MACROD2: variants seen among roughly 807,000 people sequenced by gnomAD.
The protein encoded by MACROD2 is mono-ADP ribosylhydrolase 2, also known as ADP-ribose glycohydrolase MACROD2.
MACROD2 carries 36 observed loss-of-function variants against 70.4 expected under a neutral mutation model. The ratio of observed to expected loss-of-function variants is 0.51; its 90% CI spans 0.39 to 0.68. The LOEUF (loss-of-function observed/expected upper bound fraction) is 0.68, where lower values mean the gene tolerates loss of function less well. Among genes scored for constraint, MACROD2 ranks in the 30% least tolerant of loss-of-function variants. The pLI is 0.00. For missense variants in MACROD2, 496 were observed against 538.4 expected, an observed-to-expected ratio of 0.92 and a Z score of 0.78; for synonymous variants, 172 against 178.8, an observed-to-expected ratio of 0.96 and a Z score of 0.30.
At chr20:15,769,607 A>G (rs1178697336) in intron 8 of MACROD2, among the ~76,000 whole-genome samples, 1 of 152,246 alleles carries the variant, frequency 6.6e-6, no homozygotes, top group African/African-American at 2.4e-5. Context: ...CTCTGACATT[A>G]TGATGGCTAT....
chr20:15,899,468 A>G (rs957278856), intron 10 of MACROD2, among the ~76,000 whole-genome samples: 32 of 152,350 alleles, frequency 2.1e-4, no homozygotes, highest in African/African-American at 7.7e-4. Context: ...CACTTTCTAA[A>G]TTTATGTGTA....
chr20:14,925,453 C>G (rs1156349326), intron 5 of MACROD2, among the ~76,000 whole-genome samples: 1 of 152,126 alleles, frequency 6.6e-6, no homozygotes, highest in South Asian at 2.1e-4. Flanking sequence ...GAAGGCATGA[C>G]TTAATCATCA....
chr20:14,669,280 A>G (rs2070769492), intron 4 of MACROD2, among the ~76,000 whole-genome samples: 2 of 152,168 alleles, frequency 1.3e-5, no homozygotes, highest in Admixed American at 1.3e-4. Context: ...GAATGGCAAA[A>G]GGTTTGCCAA....
chr20:15,902,933 G>A (rs2147247695), intron 10 of MACROD2, among the ~76,000 whole-genome samples: 1 of 152,224 alleles, frequency 6.6e-6, no homozygotes, highest in East Asian at 1.9e-4. Context: ...GAGCCTGTGT[G>A]TGTGGTGGGG....
intron 2 of MACROD2, 64 bp from the exon 3 acceptor site, chr20:14,085,557 A>C (rs2054066321): frequency 1.0e-6 from 1 of 999,580 alleles, no homozygotes; most frequent in East Asian, 2.8e-5. Context: ...TCTTGAGTAA[A>C]AAATTATCTC....
chr20:14,455,337 A>AT (rs1170861741), intron 3 of MACROD2, among the ~76,000 whole-genome samples: 1 of 151,868 alleles, frequency 6.6e-6, no homozygotes, highest in East Asian at 1.9e-4. Flanking sequence ...TTCAATTCTT[A>AT]TTTTATGTAT....
intron 8 of MACROD2, among the ~76,000 whole-genome samples, chr20:15,747,688 ATT>A (rs540198932): frequency 1.3e-5 from 2 of 151,546 alleles, no homozygotes; most frequent in African/African-American, 4.8e-5. Flanking sequence ...TATTTCCAGA[ATT>A]TTTTTTTGTC....
At chr20:14,085,250 G>T (rs1390925422) in intron 2 of MACROD2, among the ~76,000 whole-genome samples, 2 of 151,336 alleles carry the variant, frequency 1.3e-5, no homozygotes, top group East Asian at 1.9e-4. Context: ...TGCCTTTTAG[G>T]TAAGTTCTTC....
At chr20:14,384,748 T>C (rs567179372) in intron 3 of MACROD2, among the ~76,000 whole-genome samples, 1 of 151,994 alleles carries the variant, frequency 6.6e-6, no homozygotes, top group East Asian at 1.9e-4. Flanking sequence ...TCTTGTGCAA[T>C]TGGGTTTATT....
chr20:15,774,023 G>A (rs980306569), intron 8 of MACROD2, among the ~76,000 whole-genome samples: 1 of 151,002 alleles, frequency 6.6e-6, no homozygotes, highest in African/African-American at 2.4e-5. Context: ...ATGAATTCAC[G>A]GCTCCTGGAA....
At chr20:15,924,369 A>G (rs768948798) in intron 10 of MACROD2, among the ~76,000 whole-genome samples, 3 of 152,234 alleles carry the variant, frequency 2.0e-5, no homozygotes, top group Non-Finnish European at 4.4e-5. Context: ...ACTTGCACTC[A>G]CACATCTACA....
intron 8 of MACROD2, among the ~76,000 whole-genome samples, chr20:15,503,392 C>T (rs748972308): frequency 2.6e-5 from 4 of 152,074 alleles, no homozygotes; most frequent in African/African-American, 4.8e-5. Flanking sequence ...AAAGAAAGAC[C>T]GGGTGATATT....
intron 2 of MACROD2, among the ~76,000 whole-genome samples, chr20:14,040,291 C>G (rs2053374257): frequency 6.6e-6 from 1 of 152,040 alleles, no homozygotes; most frequent in Non-Finnish European, 1.5e-5. Context: ...TGTTACTGTA[C>G]TGAATACTGT....
intron 2 of MACROD2, among the ~76,000 whole-genome samples, chr20:14,068,235 A>C (rs2053792003): frequency 6.6e-6 from 1 of 152,142 alleles, no homozygotes; most frequent in Non-Finnish European, 1.5e-5. Context: ...CTTGGATAAA[A>C]ATCTTAGCAA....
At chr20:14,283,673 T>A (rs1223140101) in intron 3 of MACROD2, among the ~76,000 whole-genome samples, 3 of 152,142 alleles carry the variant, frequency 2.0e-5, no homozygotes, top group African/African-American at 4.8e-5. Context: ...TTTTTTTTTT[T>A]ATTTTTAGTA....
intron 9 of MACROD2, among the ~76,000 whole-genome samples, chr20:15,869,238 T>TATAGAGAGAGAGAGAGAGAGAGAGAGAG: frequency 3.5e-5 from 1 of 28,290 alleles, no homozygotes; most frequent in African/African-American, 9.9e-5. Flanking sequence ...TATATATATA[T>TATAGAGAGAGAGAGAGAGAGAGAGAGAG]AGAGAGAGAG....
chr20:15,516,619 C>T (rs2047571379), intron 8 of MACROD2, among the ~76,000 whole-genome samples: 1 of 152,034 alleles, frequency 6.6e-6, no homozygotes, highest in Non-Finnish European at 1.5e-5. Flanking sequence ...TAGAGGGCAG[C>T]CTGAATGTTT....
At chr20:15,355,180 A>G (rs1164652012) in intron 6 of MACROD2, among the ~76,000 whole-genome samples, 4 of 152,160 alleles carry the variant, frequency 2.6e-5, no homozygotes, top group Admixed American at 1.3e-4. Context: ...AGTCATCCGC[A>G]AGACTCTCTT....
chr20:15,909,316 T>C (rs1341937553), intron 10 of MACROD2, among the ~76,000 whole-genome samples: 1 of 152,266 alleles, frequency 6.6e-6, no homozygotes, highest in African/African-American at 2.4e-5. Context: ...TTCAGTGTTA[T>C]TTTTACCACA....
Sources: gnomAD v4.1 joint callset for allele counts (sites outside exome capture counted in the v4.1 genomes callset) on GRCh38, gnomAD v4.1.1 for gene constraint, MANE v1.5 for transcripts, NCBI Gene and HGNC (gene_info 2026-07-23, HGNC 2026-07-21) for gene names.